PPP1R13L: variants seen among roughly 807,000 people sequenced by gnomAD.
The protein encoded by PPP1R13L is relA-associated inhibitor.
Under a neutral mutation model 80.9 loss-of-function variants are expected in PPP1R13L, and 50 were observed. The ratio of observed to expected loss-of-function variants is 0.62; its 90% CI spans 0.49 to 0.78. The LOEUF is 0.78. PPP1R13L is among the 30% of genes least tolerant of loss of function. The probability of loss-of-function intolerance (pLI) is 0.00; values close to 1 mark genes in which losing one functional copy is unlikely to be tolerated. For synonymous variants in PPP1R13L, 602 were observed against 534.3 expected (o/e 1.13, Z -1.75); for missense variants, 1,200 against 1,205.9 (o/e 1.00, Z 0.07).
At chr19:45,401,464 C>T (rs547281622) in intron 1 of PPP1R13L, among the ~76,000 whole-genome samples, 29 of 152,102 alleles carry the variant, frequency 1.9e-4, no homozygotes, top group African/African-American at 6.7e-4. Context: ...TCCCAAAGTG[C>T]TGAGATTACA....
At chr19:45,386,852 T>G (rs1333699806) in intron 8 of PPP1R13L, among the ~76,000 whole-genome samples, 2 of 151,780 alleles carry the variant, frequency 1.3e-5, no homozygotes, top group Non-Finnish European at 2.9e-5. Flanking sequence ...TCCAGGCTGG[T>G]CTCGAACTCC....
At position 45,396,163 on chromosome 19, in the gene PPP1R13L, C is replaced by T. The variant is rs1335861717; in HGVS notation, c.903+5G>A. The T allele has an allele frequency of 6.2e-7, 1 of 1,603,728 alleles. No homozygotes were observed. The highest frequency in any genetic ancestry group is 1.3e-5 in the African/African-American group (1 of 74,700). On this transcript the variant is annotated splice_donor_5th_base_variant and intron_variant, in intron 6 of 12. Transcript: ENST00000360957. The surrounding 1 kb of genome is among the most constrained non-coding windows in gnomAD (Gnocchi z 5.3). ...GCCTCTCCTCCCCAGGCGTCGCCTC[C>T]TCACCTTGCCGGTGCCCCCCAGTCC...
At chr19:45,398,925 G>A (rs1335164914) in intron 1 of PPP1R13L, among the ~76,000 whole-genome samples, 1 of 151,706 alleles carries the variant, frequency 6.6e-6, no homozygotes, top group African/African-American at 2.4e-5. Flanking sequence ...CTAGGGACCA[G>A]GACGCACTGT....
At chr19:45,405,760 T>C (rs1212069460), upstream of PPP1R13L, among the ~76,000 whole-genome samples, 2 of 152,198 alleles carry the variant, frequency 1.3e-5, no homozygotes, top group Non-Finnish European at 2.9e-5. Context: ...GAAGTGGCGC[T>C]GACACACTGG....
chr19:45,382,164 C>G (rs964693069), intron 12 of PPP1R13L, among the ~76,000 whole-genome samples: 11 of 151,072 alleles, frequency 7.3e-5, no homozygotes, highest in African/African-American at 1.7e-4. Context: ...GTGGGGGGGG[C>G]CCGAGGTTGC....
chr19:45,401,804 A>C (rs902841753), intron 1 of PPP1R13L, among the ~76,000 whole-genome samples: 3 of 152,092 alleles, frequency 2.0e-5, no homozygotes, highest in Non-Finnish European at 2.9e-5. Context: ...AGACTTCAAA[A>C]ATTCAAATCT....
chr19:45,383,544 C>T (rs1972809123), intron 11 of PPP1R13L, among the ~76,000 whole-genome samples: 1 of 140,722 alleles, frequency 7.1e-6, no homozygotes, highest in Admixed American at 7.1e-5. Context: ...ATCCACCCGC[C>T]TCGGCCTCCC....
chr19:45,389,955 A>G (rs1321373505), intron 8 of PPP1R13L, among the ~76,000 whole-genome samples: 2 of 150,526 alleles, frequency 1.3e-5, no homozygotes, highest in African/African-American at 4.9e-5. Flanking sequence ...CACCACCCCC[A>G]GCTAATTTTT....
chr19:45,405,518 CT>C (rs1390501012), upstream of PPP1R13L, among the ~76,000 whole-genome samples: 1 of 152,238 alleles, frequency 6.6e-6, no homozygotes, highest in African/African-American at 2.4e-5. Flanking sequence ...CGCGACCGCC[CT>C]CGGGCGACTC....
intron 7 of PPP1R13L, chr19:45,395,108 G>T (rs1242886285): frequency 3.7e-6 from 1 of 270,228 alleles, no homozygotes; most frequent in Non-Finnish European, 7.0e-6. Flanking sequence ...GCCTCCCAAA[G>T]TGCTGGGATT....
chr19:45,380,829 A>C (rs540331835), intron 12 of PPP1R13L, among the ~76,000 whole-genome samples: 1 of 145,450 alleles, frequency 6.9e-6, no homozygotes, highest in Non-Finnish European at 1.5e-5. Context: ...CCAAAAACAA[A>C]ACACACACAC....
chr19:45,399,427 A>G (rs989465081), intron 1 of PPP1R13L, among the ~76,000 whole-genome samples: 1 of 146,040 alleles, frequency 6.8e-6, no homozygotes, highest in African/African-American at 2.5e-5. Flanking sequence ...GAGCGAGACC[A>G]TCCTGGCTAA....
intron 1 of PPP1R13L, among the ~76,000 whole-genome samples, chr19:45,402,424 T>C (rs1973251573): frequency 6.6e-6 from 1 of 152,226 alleles, no homozygotes; most frequent in Non-Finnish European, 1.5e-5. Context: ...ACTGACATTC[T>C]CTGGCTCTCA....
intron 7 of PPP1R13L, chr19:45,394,683 G>A (rs1379889004): frequency 6.9e-6 from 1 of 144,990 alleles, no homozygotes; most frequent in Non-Finnish European, 1.5e-5. Flanking sequence ...ATGTTGTCCA[G>A]GCTGGTCTTG....
At chr19:45,384,780 G>C (rs1972834538) in intron 11 of PPP1R13L, among the ~76,000 whole-genome samples, 1 of 151,838 alleles carries the variant, frequency 6.6e-6, no homozygotes, top group African/African-American at 2.4e-5. Flanking sequence ...TTGAATCCAG[G>C]AGGTGGAGGT....
In PPP1R13L at chr19:45,396,459, G is replaced by T; in HGVS notation, c.713-23C>A. 6.2e-7 allele frequency: 1 copy of T among 1,613,542 alleles called. No individual in the cohort carries two copies. The highest frequency in any genetic ancestry group is 1.3e-5 in the African/African-American group (1 of 75,056). Reference sequence around the variant, plus strand: ...CGTCTGGGGAGAAGTTTCCAGGGAGGATGAGACGGGAGGGGTGGCGAGCCC... The same window carrying T: ...CGTCTGGGGAGAAGTTTCCAGGGAGTATGAGACGGGAGGGGTGGCGAGCCC... On this transcript the variant is annotated intron_variant, in intron 4 of 12. Coordinates refer to ENST00000360957, the MANE Select transcript of PPP1R13L (RefSeq NM_006663.4). The surrounding 1 kb of genome is among the most constrained non-coding windows in gnomAD (Gnocchi z 5.3).
In PPP1R13L at chr19:45,380,135, G is replaced by C. The variant is rs542122669; in HGVS notation, c.*55C>G. 2 of 1,597,314 alleles carry C rather than the reference G, an allele frequency of 1.3e-6. No homozygotes were observed. Among genetic ancestry groups the C allele is most frequent in the South Asian group, 2.2e-5 (2 of 90,632 alleles). On this transcript the variant is annotated 3_prime_UTR_variant, in exon 13 of 13. Transcript: ENST00000360957. Reference sequence around the variant, plus strand: ...AGCAAAAAACAGAGGGAGAGGTCTGGAGGGAAGGCAGGAATGCTTGTTTCT... The same window carrying C: ...AGCAAAAAACAGAGGGAGAGGTCTGCAGGGAAGGCAGGAATGCTTGTTTCT...
At chr19:45,397,915 A>G in intron 3 of PPP1R13L, 90 bp downstream of exon 3, 1 of 1,490,792 alleles carries the variant, frequency 6.7e-7, no homozygotes, top group Non-Finnish European at 9.0e-7. Flanking sequence ...CTGCATAACT[A>G]TATGGGGCAA....
Position 45,379,806 on chromosome 19 carries a change from G to T in PPP1R13L, c.*384C>A, listed in dbSNP as rs1972728541. On this transcript the variant is annotated 3_prime_UTR_variant, in exon 13 of 13. Coordinates refer to ENST00000360957, the MANE Select transcript of PPP1R13L (RefSeq NM_006663.4). ...AAGACTGCTGGGAGAGATGGTGTCA[G>T]CAGTGACTCCCAGGAATATCCAGTG... The T allele has an allele frequency of 5.1e-6, 1 of 194,340 alleles. No homozygotes were observed. The highest frequency in any genetic ancestry group is 1.1e-5 in the Non-Finnish European group (1 of 94,242). The allele number at this position is 194,340 out of a possible 1,614,324, so 12.0% of individuals were successfully genotyped here.
Sources: gnomAD v4.1 joint callset for allele counts (sites outside exome capture counted in the v4.1 genomes callset) on GRCh38, gnomAD v4.1.1 for gene constraint, Gnocchi (gnomAD v3.1) non-coding constraint, MANE v1.5 for transcripts, NCBI Gene and HGNC (gene_info 2026-07-23, HGNC 2026-07-21) for gene names.